Variants in ZNF516 observed in about 807,000 individuals in gnomAD.
ZNF516 encodes zinc finger protein 516.
ZNF516 carries 19 observed loss-of-function variants against 79.7 expected under a neutral mutation model. That is an observed-to-expected ratio of 0.24 (90% CI 0.17 to 0.35). The LOEUF is 0.35. Among genes scored for constraint, ZNF516 ranks in the 10% least tolerant of loss-of-function variants. The probability of loss-of-function intolerance (pLI) is 1.00; values close to 1 mark genes in which losing one functional copy is unlikely to be tolerated. For synonymous variants in ZNF516, 877 were observed against 739.5 expected (o/e 1.19, Z -3.02); for missense variants, 1,678 against 1,679.5 (o/e 1.00, Z 0.02).
intron 1 of ZNF516, among the ~76,000 whole-genome samples, chr18:76,474,195 T>TA (rs1214197381): frequency 6.6e-6 from 1 of 152,158 alleles, no homozygotes; most frequent in Non-Finnish European, 1.5e-5. Flanking sequence ...CATGGCAGAT[T>TA]AAGTAAGCAA....
At chr18:76,449,369 G>A (rs902389414) in intron 2 of ZNF516, among the ~76,000 whole-genome samples, 11 of 152,150 alleles carry the variant, frequency 7.2e-5, no homozygotes, top group African/African-American at 9.7e-5. Flanking sequence ...TCAGGCCTGC[G>A]TCCCTGCCCC....
chr18:76,378,885 C>T lies in ZNF516; in HGVS notation c.3229G>A (p.Gly1077Ser), dbSNP rs969139201. Residue 1077 changes from glycine to serine, a missense_variant, in exon 4 of 7, where the codon GGT becomes AGT. Coordinates refer to ENST00000443185, the MANE Select transcript of ZNF516 (RefSeq NM_014643.4). The part of the protein sequence containing the change: ...KDFATLYQGW[G>S]VSGPGLEHRG... The stretch of plus-strand genomic sequence containing the variant: ...TGCTCCAACCCAGGGCCGCTGACAC[C>T]CCATCCCTGGTAGAGGGTCGCAAAG... 2.5e-6 allele frequency: 4 copies of T among 1,613,526 alleles called. No individual in the cohort carries two copies. Among genetic ancestry groups the T allele is most frequent in the Non-Finnish European group, 3.4e-6 (4 of 1,179,684 alleles).
chr18:76,391,992 C>T (rs996669445), intron 3 of ZNF516, among the ~76,000 whole-genome samples: 3 of 152,218 alleles, frequency 2.0e-5, no homozygotes, highest in Admixed American at 6.5e-5. Flanking sequence ...AACAACACCA[C>T]GGTCCTCTCT....
At chr18:76,364,923 T>C (rs1398633652) in intron 6 of ZNF516, among the ~76,000 whole-genome samples, 2 of 152,268 alleles carry the variant, frequency 1.3e-5, no homozygotes, top group Admixed American at 6.5e-5. Flanking sequence ...TAGCATATTA[T>C]ATTTAGAGAA....
chr18:76,399,741 G>T (rs1311015109), intron 3 of ZNF516, among the ~76,000 whole-genome samples: 1 of 152,280 alleles, frequency 6.6e-6, no homozygotes, highest in South Asian at 2.1e-4. Flanking sequence ...TACTGTATAA[G>T]TCGGGAAACA....
intron 1 of ZNF516, among the ~76,000 whole-genome samples, chr18:76,464,241 GTGTGCC>G (rs1913306562): frequency 6.6e-6 from 1 of 152,114 alleles, no homozygotes; most frequent in Non-Finnish European, 1.5e-5. Context: ...ACGTGGTGGC[GTGTGCC>G]TGTAGTCCCA....
intron 1 of ZNF516, among the ~76,000 whole-genome samples, chr18:76,491,320 G>T (rs1915186058): frequency 1.2e-5 from 1 of 85,566 alleles, no homozygotes; most frequent in Non-Finnish European, 2.2e-5. Context: ...CCATCCGCTC[G>T]CTCCCCCCAA....
chr18:76,489,627 A>G (rs530768891), intron 1 of ZNF516, among the ~76,000 whole-genome samples: 2 of 150,950 alleles, frequency 1.3e-5, no homozygotes, highest in African/African-American at 4.8e-5. Flanking sequence ...GTAGGACTTC[A>G]GGGTTCCAGG....
intron 3 of ZNF516, among the ~76,000 whole-genome samples, chr18:76,406,552 A>G (rs906938623): frequency 6.6e-6 from 1 of 152,170 alleles, no homozygotes; most frequent in African/African-American, 2.4e-5. Flanking sequence ...TGACAGAGCG[A>G]GACTCTGTCT....
chr18:76,423,038 G>A (rs923513186), intron 3 of ZNF516, among the ~76,000 whole-genome samples: 1 of 152,156 alleles, frequency 6.6e-6, no homozygotes, highest in Non-Finnish European at 1.5e-5. Context: ...ACCCTGGGCT[G>A]TGCACACCGC....
At chr18:76,470,576 T>C (rs1476197676) in intron 1 of ZNF516, among the ~76,000 whole-genome samples, 1 of 152,208 alleles carries the variant, frequency 6.6e-6, no homozygotes, top group African/African-American at 2.4e-5. Flanking sequence ...TTCTGAGAAT[T>C]TTACTCCATT....
chr18:76,388,259 G>A (rs73974499), intron 3 of ZNF516: 13,919 of 152,264 alleles, frequency 0.091, 1,570 homozygotes, highest in African/African-American at 0.27. Context: ...ATGGCAGGGT[G>A]TAAAAGGCTG....
chr18:76,396,859 G>A lies in ZNF516; in HGVS notation c.1811-16556C>T, dbSNP rs1054461227. 4.6e-5 allele frequency among the ~76,000 whole-genome samples: 7 copies of A among 152,266 alleles called. No individual in the cohort carries two copies. In the East Asian group the frequency reaches 9.6e-4, roughly 21 times the overall value. On this transcript the variant is annotated intron_variant, in intron 3 of 6. Transcript: ENST00000443185. ...TTTGGATATGATGTAGAAAATGCAC[G>A]AGGAAAAGTTGTAGCTATAATATCC...
chr18:76,369,266 G>T (rs182368623), intron 6 of ZNF516, among the ~76,000 whole-genome samples: 1 of 152,074 alleles, frequency 6.6e-6, no homozygotes. Context: ...TACTTATTTC[G>T]TAAGTTGTCA....
At chr18:76,363,878 CAT>C (rs2074576481) in intron 6 of ZNF516, among the ~76,000 whole-genome samples, 3 of 152,212 alleles carry the variant, frequency 2.0e-5, no homozygotes, top group South Asian at 4.1e-4. Flanking sequence ...GCATAGCAAA[CAT>C]AGACGTCAGG....
chr18:76,376,332 AC>A (rs749070002), intron 4 of ZNF516, among the ~76,000 whole-genome samples: 6 of 152,206 alleles, frequency 3.9e-5, no homozygotes, highest in African/African-American at 4.8e-5. Context: ...GCACCTACTA[AC>A]AGGTATATTT....
intron 1 of ZNF516, among the ~76,000 whole-genome samples, chr18:76,473,494 A>C (rs752159973): frequency 6.6e-6 from 1 of 152,190 alleles, no homozygotes; most frequent in Non-Finnish European, 1.5e-5. Flanking sequence ...TGTGTGGTCA[A>C]AAAAGGCAAT....
intron 3 of ZNF516, among the ~76,000 whole-genome samples, chr18:76,389,998 A>G (rs1179885192): frequency 1.3e-5 from 2 of 152,212 alleles, no homozygotes; most frequent in Admixed American, 6.5e-5. Flanking sequence ...TATTATAGCA[A>G]TAATTCCAGA....
intron 3 of ZNF516, among the ~76,000 whole-genome samples, chr18:76,432,754 G>T (rs552807657): frequency 6.6e-6 from 1 of 152,314 alleles, no homozygotes; most frequent in South Asian, 2.1e-4. Context: ...GAAGCCTGCC[G>T]TGACAGTCTG....
Sources: gnomAD v4.1 joint callset for allele counts (sites outside exome capture counted in the v4.1 genomes callset) on GRCh38, gnomAD v4.1.1 for gene constraint, MANE v1.5 for transcripts, NCBI Gene and HGNC (gene_info 2026-07-23, HGNC 2026-07-21) for gene names.